Variants in CDH2 observed in about 807,000 individuals in gnomAD.
CDH2 encodes the protein cadherin-2.
In CDH2, 17 loss-of-function variants were observed where a neutral mutation model predicts 92.0. That is an observed-to-expected ratio of 0.18 (90% confidence interval 0.13 to 0.28). CDH2 has a LOEUF of 0.28. Ranked by LOEUF, CDH2 falls within the 10% of genes least tolerant of loss-of-function variation. The pLI is 1.00. For synonymous variants in CDH2, 419 were observed against 415.9 expected, an observed-to-expected ratio of 1.01 and a Z score of -0.09; for missense variants, 862 against 1,133.1, an observed-to-expected ratio of 0.76 and a Z score of 3.44.
intron 2 of CDH2, among the ~76,000 whole-genome samples, chr18:28,034,278 T>TGTTAA (rs2013771254): frequency 6.6e-6 from 1 of 152,098 alleles, no homozygotes; most frequent in South Asian, 2.1e-4. Flanking sequence ...ATTTGATATC[T>TGTTAA]TAACAAGTAC....
At position 28,033,102 on chromosome 18, in the gene CDH2, C is replaced by A. The variant is rs562589852; in HGVS notation, c.173-19193G>T. 6.6e-5 allele frequency among the ~76,000 whole-genome samples: 10 copies of A among 151,888 alleles called. No homozygotes were observed. The East Asian group carries it at 1.9e-3, about 30-fold the overall frequency. ...TGAGCACCAAAGAATAAACATAATC[C>A]CAGTAGGGTATAGACAAAAGATGGC... On this transcript the variant is annotated intron_variant, in intron 2 of 15. Transcript: ENST00000269141.
At chr18:27,994,925 C>T (rs1016695725) in intron 7 of CDH2, among the ~76,000 whole-genome samples, 4 of 152,056 alleles carry the variant, frequency 2.6e-5, no homozygotes, top group South Asian at 2.1e-4. Flanking sequence ...AAATGTTACA[C>T]TATTTTGAAT....
chr18:27,939,721 T>C (rs1001718591), intron 6 of CDH2, among the ~76,000 whole-genome samples: 2 of 152,224 alleles, frequency 1.3e-5, no homozygotes, highest in African/African-American at 4.8e-5. Context: ...ATTTTGTTTT[T>C]ACTATACTGC....
chr18:28,097,425 A>G (rs2144225516), intron 2 of CDH2, among the ~76,000 whole-genome samples: 1 of 151,744 alleles, frequency 6.6e-6, no homozygotes, highest in South Asian at 2.1e-4. Context: ...GCTAATGTCT[A>G]TTATCCCAGC....
chr18:28,015,146 T>A (rs557685398), intron 2 of CDH2, among the ~76,000 whole-genome samples: 7 of 152,314 alleles, frequency 4.6e-5, no homozygotes, highest in African/African-American at 1.2e-4. Context: ...ACAGTTCTTC[T>A]GCTGTCATTA....
chr18:28,086,478 G>A (rs1379899564), intron 2 of CDH2, among the ~76,000 whole-genome samples: 1 of 151,938 alleles, frequency 6.6e-6, no homozygotes, highest in East Asian at 1.9e-4. Flanking sequence ...GAGAAAGACT[G>A]TGTACCTAAC....
At chr18:28,164,010 T>C (rs2016343206) in intron 1 of CDH2, among the ~76,000 whole-genome samples, 2 of 152,192 alleles carry the variant, frequency 1.3e-5, no homozygotes, top group African/African-American at 4.8e-5. Flanking sequence ...GGTGGTTACA[T>C]GGATGTACTT....
At chr18:28,101,648 G>C (rs1260351935) in intron 2 of CDH2, among the ~76,000 whole-genome samples, 1 of 152,064 alleles carries the variant, frequency 6.6e-6, no homozygotes, top group Non-Finnish European at 1.5e-5. Flanking sequence ...TGAAATAGCT[G>C]TTCTTGTGGA....
chr18:27,966,228 G>C (rs566206123), intron 14 of CDH2, among the ~76,000 whole-genome samples: 1 of 152,024 alleles, frequency 6.6e-6, no homozygotes, highest in African/African-American at 2.4e-5. Context: ...TTTACCCTAA[G>C]GGTGAAAAAT....
At chr18:27,990,568 T>C (rs1295566871) in intron 9 of CDH2, among the ~76,000 whole-genome samples, 1 of 152,202 alleles carries the variant, frequency 6.6e-6, no homozygotes, top group Non-Finnish European at 1.5e-5. Context: ...ACTTAAAAGA[T>C]TTATGTTCAC....
intron 2 of CDH2, among the ~76,000 whole-genome samples, chr18:28,109,525 T>C (rs765143689): frequency 6.6e-6 from 1 of 152,266 alleles, no homozygotes; most frequent in Non-Finnish European, 1.5e-5. Context: ...ATTATAGTAA[T>C]ACATAGAAAC....
At chr18:28,057,485 G>A (rs1176537872) in intron 2 of CDH2, among the ~76,000 whole-genome samples, 2 of 152,102 alleles carry the variant, frequency 1.3e-5, no homozygotes, top group Non-Finnish European at 2.9e-5. Flanking sequence ...GGTCAATGTG[G>A]TGAAATCCTG....
chr18:27,970,345 A>C (rs2143910966), intron 14 of CDH2, among the ~76,000 whole-genome samples: 1 of 152,214 alleles, frequency 6.6e-6, no homozygotes, highest in Non-Finnish European at 1.5e-5. Flanking sequence ...AAAACAAAAA[A>C]TGTGACCACT....
At chr18:28,074,620 G>A (rs2014683305) in intron 2 of CDH2, among the ~76,000 whole-genome samples, 1 of 150,756 alleles carries the variant, frequency 6.6e-6, no homozygotes, top group Non-Finnish European at 1.5e-5. Context: ...TATAGTAAAG[G>A]CTTAACTAGT....
intron 2 of CDH2, among the ~76,000 whole-genome samples, chr18:28,068,161 T>C (rs2014546166): frequency 6.6e-6 from 1 of 152,102 alleles, no homozygotes; most frequent in African/African-American, 2.4e-5. Context: ...GCTGAGTCCA[T>C]ACAAATCAGC....
chr18:27,962,909 T>C (rs924058316), intron 15 of CDH2, among the ~76,000 whole-genome samples: 4 of 152,202 alleles, frequency 2.6e-5, no homozygotes, highest in African/African-American at 7.2e-5. Flanking sequence ...TAATCTCTTT[T>C]GATGGAGTCA....
chr18:27,961,224 T>C (rs976472863), intron 15 of CDH2, among the ~76,000 whole-genome samples: 2 of 151,382 alleles, frequency 1.3e-5, no homozygotes, highest in Admixed American at 1.3e-4. Context: ...CCAGGGTGCA[T>C]ACTTGAATGC....
intron 1 of CDH2, among the ~76,000 whole-genome samples, chr18:28,160,386 A>C (rs1009800293): frequency 6.6e-6 from 1 of 152,078 alleles, no homozygotes; most frequent in Admixed American, 6.5e-5. Flanking sequence ...AGGGGCATAA[A>C]AAGAGGATTA....
At chr18:27,939,284 C>T (rs556862504) in intron 6 of CDH2, among the ~76,000 whole-genome samples, 18 of 152,130 alleles carry the variant, frequency 1.2e-4, no homozygotes, top group Non-Finnish European at 2.1e-4. Context: ...AGCCTGGGGT[C>T]TTGGTGTCCT....
Sources: allele counts gnomAD v4.1 joint callset (sites outside exome capture counted in the v4.1 genomes callset), GRCh38; gene constraint gnomAD v4.1.1; transcripts MANE v1.5; gene names NCBI Gene and HGNC (gene_info 2026-07-23, HGNC 2026-07-21).